Variants in PKN2 observed in about 807,000 individuals in gnomAD.
The protein encoded by PKN2 is serine/threonine-protein kinase N2.
In PKN2, 38 loss-of-function variants were observed where a neutral mutation model predicts 119.1. The ratio of observed to expected loss-of-function variants is 0.32; its 90% CI spans 0.25 to 0.42. The LOEUF (loss-of-function observed/expected upper bound fraction) is 0.42, where lower values mean the gene tolerates loss of function less well. Among genes scored for constraint, PKN2 ranks in the 10% least tolerant of loss-of-function variants. The probability of loss-of-function intolerance (pLI) is 1.00; values close to 1 mark genes in which losing one functional copy is unlikely to be tolerated. For missense variants in PKN2, 850 were observed against 1,165.1 expected (o/e 0.73, Z 3.94); for synonymous variants, 390 against 384.9 (o/e 1.01, Z -0.15).
chr1:88,815,340 A>G (rs1671940840), intron 16 of PKN2: 1 of 239,448 alleles, frequency 4.2e-6, no homozygotes, highest in Non-Finnish European at 8.2e-6. Context: ...CAGTTCTCAG[A>G]TCAAAGGTCA....
intron 1 of PKN2, among the ~76,000 whole-genome samples, chr1:88,698,546 A>G (rs1292261323): frequency 6.6e-6 from 1 of 152,238 alleles, no homozygotes; most frequent in Non-Finnish European, 1.5e-5. Flanking sequence ...CATCAAAGAC[A>G]GTATTAATAG....
At chr1:88,715,289 G>A (rs1570519148) in intron 1 of PKN2, among the ~76,000 whole-genome samples, 1 of 152,288 alleles carries the variant, frequency 6.6e-6, no homozygotes, top group East Asian at 1.9e-4. Context: ...CATAAAATGA[G>A]TTAGGGAGGG....
chr1:88,801,002 T>C (rs1671283602), intron 8 of PKN2, among the ~76,000 whole-genome samples: 1 of 152,192 alleles, frequency 6.6e-6, no homozygotes, highest in African/African-American at 2.4e-5. Flanking sequence ...AGTTTGAAAT[T>C]ATCTAACAGC....
intron 18 of PKN2, among the ~76,000 whole-genome samples, chr1:88,827,648 T>TCCCCTCCCCTCCC (rs1553159981): frequency 4.4e-5 from 3 of 68,206 alleles, no homozygotes; most frequent in African/African-American, 1.4e-4. Context: ...CCTCCCCTCT[T>TCCCCTCCCCTCCC]CTCCCCTCCC....
rs551638617 is a variant in PKN2, at chr1:88,829,217, A to G, written c.2562+594A>G. 252 of 726,986 alleles carry G rather than the reference A, an allele frequency of 3.5e-4. No homozygotes were observed. In the African/African-American group the frequency reaches 3.9e-3, roughly 11 times the overall value. The allele number at this position is 726,986 out of a possible 1,614,324, so 45.0% of individuals were successfully genotyped here. A position where few individuals can be genotyped will look rare whatever the true frequency, so the allele number is the denominator to read the frequency against. On this transcript the variant is annotated intron_variant, in intron 19 of 21. Transcript: ENST00000370521. ...TTGTAAAAACAGAACGTACATTAAC[A>G]TCAGCACGATAAAAGCCATGTTGAG...
intron 6 of PKN2, among the ~76,000 whole-genome samples, chr1:88,777,009 T>C (rs1002486763): frequency 6.6e-6 from 1 of 152,148 alleles, no homozygotes; most frequent in African/African-American, 2.4e-5. Context: ...TCTTCAAATG[T>C]TCTTTCTTCT....
chr1:88,828,982 A>C (rs1396015616), intron 19 of PKN2: 1 of 638,408 alleles, frequency 1.6e-6, no homozygotes, highest in Non-Finnish European at 3.0e-6. Context: ...ATTGGTCAGA[A>C]ATAAATGTTA....
intron 6 of PKN2, chr1:88,781,201 A>G (rs747785820): frequency 1.2e-5 from 15 of 1,253,562 alleles, no homozygotes; most frequent in Admixed American, 9.9e-5. Context: ...ACTGCATGCT[A>G]TTATTTGTGG....
chr1:88,688,585 TTTA>T (rs1021512217), intron 1 of PKN2, among the ~76,000 whole-genome samples: 2 of 152,188 alleles, frequency 1.3e-5, no homozygotes, highest in African/African-American at 4.8e-5. Context: ...TTAGCAGTGT[TTTA>T]TTATTGTAGA....
At chr1:88,727,138 T>G (rs1348942932) in intron 1 of PKN2, among the ~76,000 whole-genome samples, 1 of 152,054 alleles carries the variant, frequency 6.6e-6, no homozygotes, top group East Asian at 1.9e-4. Context: ...TAATGTCATC[T>G]TGGTGGATAG....
chr1:88,829,050 G>A (rs768813121), intron 19 of PKN2: 13 of 651,690 alleles, frequency 2.0e-5, no homozygotes, highest in South Asian at 8.9e-5. Flanking sequence ...TTGCTTCACC[G>A]GGAAACTACT....
At position 88,684,518 on chromosome 1, in the gene PKN2, G is replaced by C; in HGVS notation, c.-63G>C. 9.8e-7 allele frequency: 1 copy of C among 1,023,732 alleles called. No homozygotes were observed. Among genetic ancestry groups the C allele is most frequent in the Non-Finnish European group, 1.4e-6 (1 of 733,498 alleles). 63.4% of individuals were successfully genotyped at this position (1,023,732 alleles called of 1,614,324 possible). A position where few individuals can be genotyped will look rare whatever the true frequency, so the allele number is the denominator to read the frequency against. On this transcript the variant is annotated 5_prime_UTR_variant, in exon 1 of 22. Transcript: ENST00000370521. ...TCTCCTCACCCCCACCCCGAGCCCC[G>C]TCCCGCCTTCTCCCTTCGCCAGAGG...
intron 1 of PKN2, among the ~76,000 whole-genome samples, chr1:88,714,021 C>T (rs1487423347): frequency 6.6e-6 from 1 of 152,156 alleles, no homozygotes; most frequent in Non-Finnish European, 1.5e-5. Context: ...TTTCCCAGCA[C>T]CACTTATTAA....
At chr1:88,699,825 G>A (rs993821259) in intron 1 of PKN2, among the ~76,000 whole-genome samples, 13 of 150,162 alleles carry the variant, frequency 8.7e-5, no homozygotes, top group African/African-American at 2.5e-4. Flanking sequence ...CTCTGTAGTC[G>A]AGGCTAGAAT....
chr1:88,827,453 A>G (rs1200623793), intron 18 of PKN2, among the ~76,000 whole-genome samples: 2 of 151,902 alleles, frequency 1.3e-5, no homozygotes, highest in Non-Finnish European at 2.9e-5. Flanking sequence ...AGGTAAATTT[A>G]TATAATATTT....
intron 1 of PKN2, among the ~76,000 whole-genome samples, chr1:88,735,047 T>C (rs1668284036): frequency 6.6e-6 from 1 of 152,232 alleles, no homozygotes. Flanking sequence ...TTTATAGTAT[T>C]ATAGTATTCC....
At chr1:88,696,969 C>G (rs873735) in intron 1 of PKN2, among the ~76,000 whole-genome samples, 11,454 of 152,026 alleles carry the variant, frequency 0.075, 904 homozygotes, top group African/African-American at 0.2. Flanking sequence ...ACTAATATTG[C>G]TTGTCTGTCT....
intron 12 of PKN2, among the ~76,000 whole-genome samples, chr1:88,806,731 T>G (rs1671557722): frequency 6.6e-6 from 1 of 152,234 alleles, no homozygotes; most frequent in Non-Finnish European, 1.5e-5. Context: ...GGTTTTGTTT[T>G]GTTTTGAGAC....
intron 2 of PKN2, among the ~76,000 whole-genome samples, 174 bp from the exon 3 acceptor site, chr1:88,760,046 GTT>G (rs11358635): frequency 1.1e-4 from 15 of 135,714 alleles, no homozygotes; most frequent in South Asian, 4.7e-4. Flanking sequence ...TCAGATACGT[GTT>G]TTTTTTTTTT....
Sources: gnomAD v4.1 joint callset for allele counts (sites outside exome capture counted in the v4.1 genomes callset) on GRCh38, gnomAD v4.1.1 for gene constraint, MANE v1.5 for transcripts, NCBI Gene and HGNC (gene_info 2026-07-23, HGNC 2026-07-21) for gene names.